MYO1F: variants seen among roughly 807,000 people sequenced by gnomAD.
MYO1F encodes the protein unconventional myosin-If.
A neutral mutation model predicts 146.6 loss-of-function variants in MYO1F; 60 were observed. That is an observed-to-expected ratio of 0.41 (90% CI 0.33 to 0.51). The LOEUF is 0.51. Ranked by LOEUF, MYO1F falls within the 20% of genes least tolerant of loss-of-function variation. The pLI is 0.25. For synonymous variants in MYO1F, 602 were observed against 602.1 expected (o/e 1.00, Z 0.00); for missense variants, 1,274 against 1,534.3 (o/e 0.83, Z 2.83).
At chr19:8,536,626 C>T (rs371681536) in intron 17 of MYO1F, 29 bp from the exon 18 acceptor site, 426 of 311,966 alleles carry the variant, frequency 1.4e-3, no homozygotes, top group Non-Finnish European at 3.5e-4. Flanking sequence ...TGAGTCCCCT[C>T]GGGGTGGGGA....
At chr19:8,550,117 C>T in intron 10 of MYO1F, 43 bp downstream of exon 10, 3 of 1,603,566 alleles carry the variant, frequency 1.9e-6, no homozygotes, top group East Asian at 2.2e-5. Flanking sequence ...ATGTTTGTGA[C>T]CCCAGAGCAT....
Position 8,527,380 on chromosome 19 carries a change from T to C in MYO1F, c.2432A>G (p.Lys811Arg). The C allele has an allele frequency of 1.2e-6, 2 of 1,614,146 alleles. No homozygotes were observed. The highest frequency in any genetic ancestry group is 1.7e-6 in the Non-Finnish European group (2 of 1,180,028). The change falls in exon 22 of 28, where the codon AAG becomes AGG. Residue 811 changes from lysine (K) to arginine (R), a missense_variant. By Grantham distance (26) the Lys-to-Arg change is conservative. Transcript: ENST00000644032. ...CAGAGCCTGGATGTCCACTTTCTTC[T>C]TCAAGACTTCACACACCTGGCCCTT... Reference protein sequence around the residue: ...PEKGQVCEVLKKKVDIQALRG... With the variant: ...PEKGQVCEVLRKKVDIQALRG...
intron 14 of MYO1F, 58 bp from the exon 15 acceptor site, chr19:8,542,049 G>A: frequency 7.2e-7 from 1 of 1,396,576 alleles, no homozygotes; most frequent in Non-Finnish European, 1.0e-6. Flanking sequence ...GGGAGGGTGG[G>A]CGTGGGGTGC....
intron 24 of MYO1F, among the ~76,000 whole-genome samples, chr19:8,525,858 T>C (rs1255688679): frequency 6.6e-6 from 1 of 152,182 alleles, no homozygotes; most frequent in African/African-American, 2.4e-5. Context: ...CGCCCCCGCA[T>C]TGGTCATGTC....
At chr19:8,558,282 G>A (rs1420589461) in intron 1 of MYO1F, among the ~76,000 whole-genome samples, 3 of 152,010 alleles carry the variant, frequency 2.0e-5, no homozygotes, top group African/African-American at 7.2e-5. Context: ...TCCCACCTCA[G>A]CCTCCTGAGT....
At chr19:8,522,960 C>T in intron 25 of MYO1F, 131 bp from the exon 26 acceptor site, 1 of 766,174 alleles carries the variant, frequency 1.3e-6, no homozygotes, top group Non-Finnish European at 2.2e-6. Context: ...AAGGATTGGG[C>T]CAGACGGAGG....
chr19:8,558,767 A>T (rs1172763180), intron 1 of MYO1F, among the ~76,000 whole-genome samples: 1 of 152,164 alleles, frequency 6.6e-6, no homozygotes, highest in Non-Finnish European at 1.5e-5. Context: ...TCCTGGAGAC[A>T]GAGACTGGGG....
Position 8,530,367 on chromosome 19 carries a change from T to C in MYO1F, c.2159-2A>G, listed in dbSNP as rs1186653124. ...TCTTGTTCAGCAGGATGTTGGAAGC[T>C]GCGGGGACAGAGGGTGGAGGGCAGA... is the stretch of plus-strand genomic sequence containing the variant. On this transcript the variant is annotated splice_acceptor_variant, in intron 20 of 27. Transcript: ENST00000644032. LOFTEE classifies it high-confidence loss of function. This position sits in a 1 kb window ranked among gnomAD's most constrained non-coding sequence, Gnocchi z 5.8. 6.2e-7 allele frequency: 1 copy of C among 1,614,020 alleles called. No homozygotes were observed. Among genetic ancestry groups the C allele is most frequent in the Non-Finnish European group, 8.5e-7 (1 of 1,180,034 alleles).
rs1375963163 is a variant in MYO1F at position 8,525,313 on chromosome 19, A to G, written c.2854+166T>C. The G allele has an allele frequency of 6.2e-6, 4 of 649,674 alleles. No individual in the cohort carries two copies. The East Asian group carries it at 8.2e-5, about 13-fold the overall frequency. 40.2% of individuals were successfully genotyped at this position (649,674 alleles called of 1,614,324 possible). ...GGGTTTTGAAGGGCTCTGAATGCCAAACTAAGTTTAGCCTTTATTCTGCGG... is the reference window on the plus strand; with the variant it reads ...GGGTTTTGAAGGGCTCTGAATGCCAGACTAAGTTTAGCCTTTATTCTGCGG... On this transcript the variant is annotated intron_variant, in intron 25 of 27. Coordinates refer to ENST00000644032, the MANE Select transcript of MYO1F (RefSeq NM_012335.4).
At chr19:8,569,118 A>G (rs1445072335) in intron 1 of MYO1F, among the ~76,000 whole-genome samples, 1 of 152,158 alleles carries the variant, frequency 6.6e-6, no homozygotes, top group Non-Finnish European at 1.5e-5. Context: ...GAATGAATGA[A>G]TGAAGTCCTA....
intron 16 of MYO1F, among the ~76,000 whole-genome samples, chr19:8,538,974 C>T (rs1377623757): frequency 2.0e-5 from 3 of 152,140 alleles, no homozygotes; most frequent in South Asian, 2.1e-4. Context: ...TACCACTGAA[C>T]ATTAAAACTG....
At chr19:8,543,918 G>GTGGTGC (rs1973177550) in intron 14 of MYO1F, 4 of 223,342 alleles carry the variant, frequency 1.8e-5, no homozygotes, top group Non-Finnish European at 3.1e-5. Context: ...GGTGGTGGTG[G>GTGGTGC]TGGTGGTGGT....
At chr19:8,551,539 A>G in intron 8 of MYO1F, 1 of 647,792 alleles carries the variant, frequency 1.5e-6, no homozygotes, top group East Asian at 2.9e-5. Flanking sequence ...TTAAGTAGAG[A>G]CGGGGTTTAA....
chr19:8,548,476 G>A (rs1414222705), intron 10 of MYO1F, among the ~76,000 whole-genome samples, 159 bp from the exon 11 acceptor site: 2 of 151,884 alleles, frequency 1.3e-5, no homozygotes, highest in African/African-American at 4.8e-5. Flanking sequence ...CTGGCTCTGT[G>A]TACAGTCTCC....
intron 1 of MYO1F, among the ~76,000 whole-genome samples, chr19:8,566,290 C>T (rs1248228123): frequency 1.3e-5 from 2 of 149,926 alleles, no homozygotes; most frequent in South Asian, 4.2e-4. Flanking sequence ...GCCTCAGCCT[C>T]CCATGTAGCT....
At chr19:8,553,030 T>G (rs747593139) in intron 6 of MYO1F, 109 bp downstream of exon 6, 155 of 1,094,832 alleles carry the variant, frequency 1.4e-4, no homozygotes, top group Non-Finnish European at 2.1e-4. Flanking sequence ...CTGCTGGGTT[T>G]TCAATGGACT....
Position 8,521,349 on chromosome 19 carries a change from CG to C in MYO1F, c.*178del. On this transcript the variant is annotated 3_prime_UTR_variant, in exon 28 of 28. Transcript: ENST00000644032. ...TTGGAGGAAGACCAGGGCCCAGGGGCGGGGGCTGCAGCAGTGACCTGGTGAC... is the reference window on the plus strand; with the variant it reads ...TTGGAGGAAGACCAGGGCCCAGGGGCGGGGCTGCAGCAGTGACCTGGTGAC... 1 of 670,130 alleles carries C rather than the reference CG, an allele frequency of 1.5e-6. No homozygotes were observed. The highest frequency in any genetic ancestry group is 2.7e-6 in the Non-Finnish European group (1 of 368,808). The allele number at this position is 670,130 out of a possible 1,614,324, so 41.5% of individuals were successfully genotyped here. A position where few individuals can be genotyped will look rare whatever the true frequency, so the allele number is the denominator to read the frequency against.
At position 8,577,184 on chromosome 19, in the gene MYO1F, C is replaced by A; in HGVS notation, c.3+123G>T. The A allele has an allele frequency of 8.5e-7, 1 of 1,179,192 alleles. No homozygotes were observed. Among genetic ancestry groups the A allele is most frequent in the Non-Finnish European group, 1.2e-6 (1 of 808,850 alleles). 73.0% of individuals were successfully genotyped at this position (1,179,192 alleles called of 1,614,324 possible). A position where few individuals can be genotyped will look rare whatever the true frequency, so the allele number is the denominator to read the frequency against. On this transcript the variant is annotated intron_variant, in intron 1 of 27. Coordinates refer to ENST00000644032, the MANE Select transcript of MYO1F (RefSeq NM_012335.4). The surrounding 1 kb of genome is among the most constrained non-coding windows in gnomAD (Gnocchi z 4.3). ...TGAGCTGCACTGAGAGACACCCCACCCCCACAGAAGTCCACCATGCCCCTC... is the reference window on the plus strand; with the variant it reads ...TGAGCTGCACTGAGAGACACCCCACACCCACAGAAGTCCACCATGCCCCTC...
Position 8,525,484 on chromosome 19 carries a change from G to C in MYO1F, c.2849C>G (p.Pro950Arg), listed in dbSNP as rs201618281. 274 of 1,612,788 alleles carry C rather than the reference G, an allele frequency of 1.7e-4. No homozygotes were observed. The highest frequency in any genetic ancestry group is 7.0e-4 in the Admixed American group (42 of 59,994). Reference sequence around the variant, plus strand: ...CAAGGGACGCAGCTCCTCACCTCTGGGGGGCGCAGGGGCCGCCCGGGTAGG... The same window carrying C: ...CAAGGGACGCAGCTCCTCACCTCTGCGGGGCGCAGGGGCCGCCCGGGTAGG... ...QAPTRAAPAP[P>R]RGMDRNGVPP... The change falls in exon 25 of 28, where the codon CCC (proline) becomes CGC (arginine). Residue 950 changes from proline to arginine, a missense_variant. Pro to Arg is a moderately radical substitution (Grantham distance 103). Transcript: ENST00000644032.
Sources: allele counts gnomAD v4.1 joint callset (sites outside exome capture counted in the v4.1 genomes callset), GRCh38; gene constraint gnomAD v4.1.1; non-coding constraint Gnocchi (gnomAD v3.1); transcripts MANE v1.5; gene names NCBI Gene and HGNC (gene_info 2026-07-23, HGNC 2026-07-21).